Variants in GARS1 observed in about 807,000 individuals in gnomAD.
The protein encoded by GARS1 is glycyl-tRNA synthetase 1, also known as glycine--tRNA ligase.
GARS1 carries 46 observed loss-of-function variants against 86.4 expected under a neutral mutation model. The observed-to-expected ratio is 0.53, with a 90% CI of 0.42 to 0.68. GARS1 has a LOEUF of 0.68. Ranked by LOEUF, GARS1 falls within the 30% of genes least tolerant of loss-of-function variation. The pLI is 0.00. For missense variants in GARS1, 797 were observed against 915.6 expected (o/e 0.87, Z 1.67); for synonymous variants, 342 against 329.8 (o/e 1.04, Z -0.40).
intron 10 of GARS1, among the ~76,000 whole-genome samples, chr7:30,617,530 A>G (rs1183182927): frequency 1.3e-5 from 2 of 152,200 alleles, no homozygotes; most frequent in Non-Finnish European, 2.9e-5. Flanking sequence ...ACACTGCTGT[A>G]CAGTGTATTG....
chr7:30,599,423 G>A (rs1004652670), intron 2 of GARS1, among the ~76,000 whole-genome samples: 2 of 151,002 alleles, frequency 1.3e-5, no homozygotes, highest in Non-Finnish European at 3.0e-5. Context: ...TTTTTTTTGA[G>A]ATGGAGTCTC....
Position 30,595,037 on chromosome 7 carries a change from C to A in GARS1, c.116C>A (p.Ala39Asp), listed in dbSNP as rs1791214313. 6.4e-7 allele frequency: 1 copy of A among 1,568,240 alleles called. No homozygotes were observed. ...SLLLRRSLSA[A>D]SCPPISLPAA... ...CTGCTCCGCCGGTCCCTCAGCGCGG[C>A]CTCCTGCCCCCCGATCTCCTTGCCC... Residue 39 changes from alanine (A) to aspartate (D), a missense_variant, in exon 1 of 17, where the codon GCC becomes GAC. Ala to Asp is a moderately radical substitution (Grantham distance 126, BLOSUM62 -2). Transcript: ENST00000389266.
At chr7:30,606,170 T>A (rs1188171561) in intron 6 of GARS1, among the ~76,000 whole-genome samples, 1 of 152,190 alleles carries the variant, frequency 6.6e-6, no homozygotes, top group Non-Finnish European at 1.5e-5. Context: ...TTTGGTTAAG[T>A]GGTGTTATGG....
intron 6 of GARS1, 58 bp downstream of exon 6, chr7:30,603,630 T>A (rs752743602): frequency 4.6e-5 from 56 of 1,222,870 alleles, no homozygotes; most frequent in Non-Finnish European, 6.6e-5. Flanking sequence ...CTTCTTTCAG[T>A]GTTTAATGAC....
intron 10 of GARS1, among the ~76,000 whole-genome samples, chr7:30,620,981 A>C (rs910624782): frequency 6.6e-6 from 1 of 152,204 alleles, no homozygotes. Flanking sequence ...CCACAGACTC[A>C]GTATAACAAT....
chr7:30,622,180 TA>T, intron 11 of GARS1, 136 bp from the exon 12 acceptor site: 1 of 1,024,912 alleles, frequency 9.8e-7, no homozygotes, highest in Non-Finnish European at 1.5e-6. Context: ...CATCTTGCCT[TA>T]AAATCAGCAT....
At chr7:30,600,563 T>G (rs1178397016) in intron 3 of GARS1, among the ~76,000 whole-genome samples, 1 of 152,226 alleles carries the variant, frequency 6.6e-6, no homozygotes, top group Non-Finnish European at 1.5e-5. Context: ...TTTTTCATAG[T>G]CAACGGATTA....
intron 1 of GARS1, among the ~76,000 whole-genome samples, chr7:30,597,286 A>G (rs1249776030): frequency 6.6e-6 from 1 of 152,250 alleles, no homozygotes; most frequent in Non-Finnish European, 1.5e-5. Context: ...AGCCATTCAA[A>G]GCTTAAGATA....
At position 30,594,926 on chromosome 7, in the gene GARS1, C is replaced by A; in HGVS notation, c.5C>A (p.Pro2His). The change falls in exon 1 of 17, where the codon CCC (proline) becomes CAC (histidine). Residue 2 changes from proline (P) to histidine (H), a missense_variant. Coordinates refer to ENST00000389266, the MANE Select transcript of GARS1 (RefSeq NM_002047.4). ...ACAGCCCAGGGCCGCAGGCTCATGC[C>A]CTCTCCGCGTCCAGTGCTGCTTAGA... is the stretch of plus-strand genomic sequence containing the variant. The part of the protein sequence containing the change: M[P>H]SPRPVLLRGA... 6.3e-7 allele frequency: 1 copy of A among 1,586,764 alleles called. No homozygotes were observed. Among genetic ancestry groups the A allele is most frequent in the Non-Finnish European group, 8.5e-7 (1 of 1,173,948 alleles).
rs891819818 is a variant in GARS1 at position 30,628,454 on chromosome 7, G to C, written c.1700-106G>C. On this transcript the variant is annotated intron_variant, in intron 13 of 16. Coordinates refer to ENST00000389266, the MANE Select transcript of GARS1 (RefSeq NM_002047.4). ...CCTACCTCAGCCTCCCAAAATGCTG[G>C]GATTACAGGTGTGAGCCACCGCAGC... 6.2e-6 allele frequency: 5 copies of C among 803,852 alleles called. No homozygotes were observed. In the African/African-American group the frequency reaches 8.6e-5, roughly 14 times the overall value. The allele number at this position is 803,852 out of a possible 1,614,324, so 49.8% of individuals were successfully genotyped here. A position where few individuals can be genotyped will look rare whatever the true frequency, so the allele number is the denominator to read the frequency against.
chr7:30,617,378 G>A, intron 10 of GARS1, 100 bp downstream of exon 10: 2 of 1,368,470 alleles, frequency 1.5e-6, no homozygotes, highest in South Asian at 1.2e-5. Context: ...GAGGAACAAA[G>A]GGAAAAGAAA....
chr7:30,602,864 G>A (rs1173731230), intron 4 of GARS1, among the ~76,000 whole-genome samples, 170 bp from the exon 5 acceptor site: 1 of 152,140 alleles, frequency 6.6e-6, no homozygotes. Context: ...TAGATTTGAG[G>A]AAGAATTTTC....
Position 30,603,090 on chromosome 7 carries a change from G to T in GARS1, c.626G>T (p.Gly209Val). 1.9e-6 allele frequency: 3 copies of T among 1,613,874 alleles called. No homozygotes were observed. The highest frequency in any genetic ancestry group is 2.5e-6 in the Non-Finnish European group (3 of 1,179,866). The change falls in exon 5 of 17, where the codon GGA becomes GTA. Residue 209 changes from glycine to valine, a missense_variant. Around this residue, in one of 2 missense-constraint regions of GARS1, gnomAD observed 598 missense variants for 738.7 expected, o/e 0.81. Coordinates refer to ENST00000389266, the MANE Select transcript of GARS1 (RefSeq NM_002047.4). ...TTCATGGTGAAAGACGTAAAAAATG[G>T]AGAATGTTTTCGTGCTGACCATCTA... ...ADFMVKDVKN[G>V]ECFRADHLLK...
intron 6 of GARS1, among the ~76,000 whole-genome samples, chr7:30,604,894 T>C (rs1356578166): frequency 6.6e-6 from 1 of 152,248 alleles, no homozygotes; most frequent in East Asian, 1.9e-4. Flanking sequence ...TTAACAGTAT[T>C]ATTCATTTCC....
At chr7:30,607,471 C>T (rs1183970800) in intron 6 of GARS1, among the ~76,000 whole-genome samples, 1 of 150,796 alleles carries the variant, frequency 6.6e-6, no homozygotes, top group African/African-American at 2.4e-5. Context: ...ACTGCATGTT[C>T]TCACTCATAG....
At chr7:30,599,604 T>C (rs1791332997) in intron 2 of GARS1, among the ~76,000 whole-genome samples, 1 of 152,220 alleles carries the variant, frequency 6.6e-6, no homozygotes, top group South Asian at 2.1e-4. Flanking sequence ...TGTTTTGCCA[T>C]GTTGGCCAGG....
rs774980477 is a variant in GARS1, at chr7:30,609,561, C to T, written c.736-24C>T. ...TGCCTTGTTTTCTCTGTCTTTTACA[C>T]TAATTTCTTTATATGTCTTTTAGCT... On this transcript the variant is annotated intron_variant, in intron 6 of 16. Coordinates refer to ENST00000389266, the MANE Select transcript of GARS1 (RefSeq NM_002047.4). The T allele has an allele frequency of 5.0e-6, 8 of 1,604,590 alleles. No individual in the cohort carries two copies. In the South Asian group the frequency reaches 7.7e-5, roughly 15 times the overall value.
At chr7:30,609,342 CA>C (rs1287487087) in intron 6 of GARS1, among the ~76,000 whole-genome samples, 1 of 152,132 alleles carries the variant, frequency 6.6e-6, no homozygotes, top group Non-Finnish European at 1.5e-5. Context: ...CTTTATCTTT[CA>C]CTTTGAAACA....
intron 16 of GARS1, among the ~76,000 whole-genome samples, 187 bp from the exon 17 acceptor site, chr7:30,633,547 GA>G (rs749793293): frequency 6.6e-6 from 1 of 152,208 alleles, no homozygotes; most frequent in Non-Finnish European, 1.5e-5. Flanking sequence ...GAAAAGTTAG[GA>G]AAGGCTTTGT....
Sources: allele counts gnomAD v4.1 joint callset (sites outside exome capture counted in the v4.1 genomes callset), GRCh38; gene constraint gnomAD v4.1.1; regional missense constraint gnomAD v4.1.1; transcripts MANE v1.5; gene names NCBI Gene and HGNC (gene_info 2026-07-23, HGNC 2026-07-21).